Variants in KANK3 observed in about 807,000 individuals in gnomAD.
KANK3 encodes KN motif and ankyrin repeat domain-containing protein 3.
KANK3 carries 61 observed loss-of-function variants against 65.4 expected under a neutral mutation model. The observed-to-expected ratio is 0.93, with a 90% CI of 0.76 to 1.15. The LOEUF is 1.15. Among genes scored for constraint, KANK3 ranks in the 50% most tolerant of loss-of-function variants. The probability of loss-of-function intolerance (pLI) is 0.00; values close to 1 mark genes in which losing one functional copy is unlikely to be tolerated. For synonymous variants in KANK3, 586 were observed against 543.3 expected, an observed-to-expected ratio of 1.08 and a Z score of -1.09; for missense variants, 1,187 against 1,178.8, an observed-to-expected ratio of 1.01 and a Z score of -0.10.
intron 2 of KANK3, among the ~76,000 whole-genome samples, chr19:8,336,594 A>G (rs1212136658): frequency 2.2e-5 from 1 of 46,034 alleles, no homozygotes; most frequent in African/African-American, 1.2e-4. Flanking sequence ...ATACACATAT[A>G]CATATATATA....
chr19:8,328,829 A>T lies in KANK3; in HGVS notation c.1937-3733T>A, dbSNP rs1286034191. On this transcript the variant is annotated intron_variant, in intron 7 of 10. Coordinates refer to ENST00000330915, the MANE Select transcript of KANK3 (RefSeq NM_198471.3). ...ATGTGGGGCAGAGTCAAGGTCAAGG[A>T]AGGAGAGCAGCCAGGAGGTTGCAGG... is the stretch of plus-strand genomic sequence containing the variant. Among the ~76,000 whole-genome samples, 6 of 151,950 alleles carry T rather than the reference A, an allele frequency of 3.9e-5. No individual in the cohort carries two copies. In the East Asian group the frequency reaches 1.2e-3, roughly 29 times the overall value.
chr19:8,332,584 C>T (rs554165938), intron 7 of KANK3, among the ~76,000 whole-genome samples: 7 of 151,106 alleles, frequency 4.6e-5, no homozygotes, highest in African/African-American at 1.2e-4. Flanking sequence ...TTTGGGAGGC[C>T]GGGGCAGGCA....
chr19:8,334,620 G>C lies in KANK3; in HGVS notation c.1207C>G (p.Gln403Glu). 1.3e-6 allele frequency: 2 copies of C among 1,571,070 alleles called. No individual in the cohort carries two copies. Among genetic ancestry groups the C allele is most frequent in the Non-Finnish European group, 1.7e-6 (2 of 1,166,508 alleles). Residue 403 changes from glutamine (Q) to glutamate (E), a missense_variant, in exon 3 of 11, where the codon CAG (glutamine) becomes GAG (glutamate). Gln to Glu is a conservative substitution (Grantham distance 29). Coordinates refer to ENST00000330915, the MANE Select transcript of KANK3 (RefSeq NM_198471.3). ...TTTTCGGCACAGCTCCACGGGGTCT[G>C]GGTGGTGGCCTCGCGTAGCTGGGCC... ...ARAQLREATTQTPWSCAEKAA... is the reference protein window; with the variant it reads ...ARAQLREATTETPWSCAEKAA...
intron 7 of KANK3, among the ~76,000 whole-genome samples, chr19:8,330,337 A>G (rs972740442): frequency 1.3e-5 from 2 of 152,182 alleles, no homozygotes; most frequent in African/African-American, 4.8e-5. Flanking sequence ...GCTCACGCCT[A>G]TAATACCAGC....
At chr19:8,325,410 C>G (rs553725729) in intron 7 of KANK3, among the ~76,000 whole-genome samples, 15 of 144,228 alleles carry the variant, frequency 1.0e-4, no homozygotes, top group Admixed American at 3.6e-4. Flanking sequence ...GTAGCTGGAA[C>G]TACAGCATGT....
At chr19:8,341,093 C>T (rs944366182) in intron 1 of KANK3, among the ~76,000 whole-genome samples, 1 of 152,096 alleles carries the variant, frequency 6.6e-6, no homozygotes, top group Non-Finnish European at 1.5e-5. Flanking sequence ...AAGACCTAAA[C>T]TAGCTGAAGC....
At chr19:8,327,654 T>A (rs1599642479) in intron 7 of KANK3, among the ~76,000 whole-genome samples, 1 of 150,334 alleles carries the variant, frequency 6.7e-6, no homozygotes, top group African/African-American at 2.4e-5. Flanking sequence ...ATTAGCTGAG[T>A]GTGGTGGTTC....
intron 1 of KANK3, among the ~76,000 whole-genome samples, chr19:8,341,708 C>T (rs948954018): frequency 1.3e-5 from 2 of 152,224 alleles, no homozygotes; most frequent in Non-Finnish European, 2.9e-5. Flanking sequence ...CCAGGCTGGC[C>T]TCCAACTCCT....
At chr19:8,338,794 G>A (rs1411094507) in intron 1 of KANK3, among the ~76,000 whole-genome samples, 1 of 146,150 alleles carries the variant, frequency 6.8e-6, no homozygotes, top group African/African-American at 2.5e-5. Flanking sequence ...AGAATGGCGT[G>A]AACCCGGGAG....
intron 2 of KANK3, 77 bp from the exon 3 acceptor site, chr19:8,335,869 T>C (rs1970629456): frequency 9.8e-7 from 1 of 1,022,096 alleles, no homozygotes; most frequent in Non-Finnish European, 1.3e-6. Context: ...ACCGAGCGTG[T>C]CCCCCACCCA....
In KANK3 at chr19:8,334,537, G is replaced by A. The variant is rs1318686477; in HGVS notation, c.1290C>T (p.Pro430=). Residue 430 remains proline (P), a synonymous_variant, in exon 3 of 11, where the codon CCC becomes CCT. Coordinates refer to ENST00000330915, the MANE Select transcript of KANK3 (RefSeq NM_198471.3). The stretch of plus-strand genomic sequence containing the variant: ...CGGCCCTGTCTCCGTCCATGGATCC[G>A]GGCGAGCTCTCCTGAGTCAAGGAGG... ...EAPSLTQESS[P]GSMDGDRAVA... is the part of the protein sequence containing the mutation. The A allele has an allele frequency of 3.1e-6, 5 of 1,602,628 alleles. No individual in the cohort carries two copies. Among genetic ancestry groups the A allele is most frequent in the Middle Eastern group, 1.7e-4 (1 of 6,034 alleles).
chr19:8,331,141 A>T lies in KANK3; in HGVS notation c.1936+1873T>A, dbSNP rs573361419. ...CCGGGAGGCGTAGGTTGCAGTGAGC[A>T]GAGAGATCATGCCACTGCACTCCAG... On this transcript the variant is annotated intron_variant, in intron 7 of 10. Transcript: ENST00000330915. Among the ~76,000 whole-genome samples the T allele has an allele frequency of 6.6e-4, 99 of 150,978 alleles. 1 individual carries two copies. Among genetic ancestry groups the T allele is most frequent in the African/African-American group, 2.2e-3 (89 of 41,188 alleles).
At chr19:8,338,156 G>A (rs1369130562) in intron 1 of KANK3, among the ~76,000 whole-genome samples, 1 of 151,484 alleles carries the variant, frequency 6.6e-6, no homozygotes, top group Non-Finnish European at 1.5e-5. Flanking sequence ...CAAGTGGCTG[G>A]GATTACAGGT....
At position 8,333,024 on chromosome 19, in the gene KANK3, G is replaced by A. The variant is rs1349046672; in HGVS notation, c.1926C>T (p.Leu642=). The change falls in exon 7 of 11, where the codon CTC becomes CTT. Residue 642 remains leucine, a synonymous_variant. Transcript: ENST00000330915. This position sits in a 1 kb window ranked among gnomAD's most constrained non-coding sequence, Gnocchi z 5.0. The stretch of plus-strand genomic sequence containing the variant: ...TCCCTTGGCTCTGACCCGTATCCAG[G>A]AGCAGGCTTGCGATGGCCAGGTTCC... ...SHGNLAIASL[L]LDTGACEVNR... is the part of the protein sequence containing the mutation. 3.5e-6 allele frequency: 4 copies of A among 1,130,418 alleles called. No homozygotes were observed. Among genetic ancestry groups the A allele is most frequent in the Non-Finnish European group, 3.7e-6 (3 of 821,508 alleles). 70.0% of individuals were successfully genotyped at this position (1,130,418 alleles called of 1,614,324 possible).
intron 1 of KANK3, among the ~76,000 whole-genome samples, chr19:8,342,020 C>A (rs563543760): frequency 6.6e-6 from 1 of 151,786 alleles, no homozygotes; most frequent in Non-Finnish European, 1.5e-5. Context: ...ATTTTTGAGA[C>A]GGAGTCTCTG....
chr19:8,338,464 A>C lies in KANK3; in HGVS notation c.-28-608T>G, dbSNP rs558639062. 8.5e-5 allele frequency among the ~76,000 whole-genome samples: 13 copies of C among 152,324 alleles called. 1 individual carries two copies. The highest frequency in any genetic ancestry group is 3.1e-4 in the African/African-American group (13 of 41,588). On this transcript the variant is annotated intron_variant, in intron 1 of 10. Transcript: ENST00000330915. ...TAGCTGGGAGTTGGGGAGGCATTCC[A>C]GACCTGCTGGGTTTTCTGATAATCT... is the stretch of plus-strand genomic sequence containing the variant.
At chr19:8,324,856 C>A in intron 8 of KANK3, 26 bp from the exon 9 acceptor site, 1 of 1,604,338 alleles carries the variant, frequency 6.2e-7, no homozygotes, top group Non-Finnish European at 8.5e-7. Flanking sequence ...GAAGAGGGAA[C>A]AGGCTGGGGT....
intron 7 of KANK3, among the ~76,000 whole-genome samples, chr19:8,327,703 A>G (rs1970453660): frequency 6.6e-6 from 1 of 152,098 alleles, no homozygotes; most frequent in South Asian, 2.1e-4. Context: ...CTGAGGTGGA[A>G]GGATCGCTTG....
Position 8,333,898 on chromosome 19 carries a change from AGCGCC to A in KANK3, c.1634+7_1634+11del. ...CCGCCTCCTCTCCAAACAACTAGCG[AGCGCC>A]GCTCACCTCCCCTGTGCCACCTGCT... On this transcript the variant is annotated splice_region_variant and intron_variant, in intron 5 of 10. Transcript: ENST00000330915. This position sits in a 1 kb window ranked among gnomAD's most constrained non-coding sequence, Gnocchi z 5.0. 6.3e-7 allele frequency: 1 copy of A among 1,575,122 alleles called. No individual in the cohort carries two copies. Among genetic ancestry groups the A allele is most frequent in the South Asian group, 1.2e-5 (1 of 86,476 alleles).
Sources: allele counts gnomAD v4.1 joint callset (sites outside exome capture counted in the v4.1 genomes callset), GRCh38; gene constraint gnomAD v4.1.1; non-coding constraint Gnocchi (gnomAD v3.1); transcripts MANE v1.5; gene names NCBI Gene and HGNC (gene_info 2026-07-23, HGNC 2026-07-21).